GALNT2: variants seen among roughly 807,000 people sequenced by gnomAD.
The protein encoded by GALNT2 is UDP-GalNAc:polypeptide N-acetylgalactosaminyltransferase 2.
In GALNT2, 31 loss-of-function variants were observed where a neutral mutation model predicts 81.4. That is an observed-to-expected ratio of 0.38 (90% CI 0.29 to 0.51). GALNT2 has a LOEUF of 0.51. Among genes scored for constraint, GALNT2 ranks in the 20% least tolerant of loss-of-function variants. The pLI, the probability that GALNT2 is intolerant of heterozygous loss-of-function variation, is 0.87. For missense variants in GALNT2, 629 were observed against 765.7 expected (o/e 0.82, Z 2.11); for synonymous variants, 303 against 287.4 (o/e 1.05, Z -0.55).
intron 2 of GALNT2, among the ~76,000 whole-genome samples, chr1:230,186,611 TAGA>T (rs1328457034): frequency 6.6e-6 from 1 of 152,202 alleles, no homozygotes; most frequent in Non-Finnish European, 1.5e-5. Flanking sequence ...TTCAGGCAAA[TAGA>T]GAGAGGGAGG....
At chr1:230,237,216 G>A (rs958008796) in intron 6 of GALNT2, among the ~76,000 whole-genome samples, 6 of 152,336 alleles carry the variant, frequency 3.9e-5, no homozygotes, top group Middle Eastern at 6.8e-3. Context: ...AGTCTTATCT[G>A]TGCTGGAGCT....
At chr1:230,096,863 C>A (rs1049725703) in intron 1 of GALNT2, among the ~76,000 whole-genome samples, 1 of 152,220 alleles carries the variant, frequency 6.6e-6, no homozygotes, top group Non-Finnish European at 1.5e-5. Flanking sequence ...TCAGTAAAGA[C>A]TTCCCTTCAG....
chr1:230,183,099 T>G (rs1335677178), intron 2 of GALNT2, among the ~76,000 whole-genome samples: 1 of 152,226 alleles, frequency 6.6e-6, no homozygotes, highest in African/African-American at 2.4e-5. Flanking sequence ...AGTGTTAGCA[T>G]GATAGATCTA....
intron 2 of GALNT2, among the ~76,000 whole-genome samples, chr1:230,199,108 A>AT (rs1333273206): frequency 6.6e-6 from 1 of 152,166 alleles, no homozygotes; most frequent in Non-Finnish European, 1.5e-5. Context: ...TTCCAGAACT[A>AT]TTTTTAAAGA....
chr1:230,240,047 A>G (rs1195029269), intron 6 of GALNT2, among the ~76,000 whole-genome samples: 1 of 152,248 alleles, frequency 6.6e-6, no homozygotes, highest in African/African-American at 2.4e-5. Flanking sequence ...TCAAATAGTC[A>G]GTATCTATTA....
chr1:230,244,166 G>A (rs1665294041), intron 7 of GALNT2, among the ~76,000 whole-genome samples: 3 of 151,968 alleles, frequency 2.0e-5, no homozygotes, highest in Admixed American at 2.0e-4. Flanking sequence ...AGCATAGCAA[G>A]GATAGCTGAT....
intron 1 of GALNT2, among the ~76,000 whole-genome samples, chr1:230,173,437 T>G (rs930242145): frequency 2.6e-5 from 4 of 152,160 alleles, no homozygotes; most frequent in African/African-American, 4.8e-5. Flanking sequence ...CATCTGTCTG[T>G]GGGGTAATCA....
intron 1 of GALNT2, among the ~76,000 whole-genome samples, chr1:230,137,680 G>C (rs1478287656): frequency 6.6e-6 from 1 of 152,210 alleles, no homozygotes; most frequent in Non-Finnish European, 1.5e-5. Context: ...TCACAGCTGT[G>C]GATGTTTGCC....
intron 1 of GALNT2, among the ~76,000 whole-genome samples, chr1:230,139,949 C>A (rs1185323461): frequency 1.3e-5 from 2 of 152,170 alleles, no homozygotes; most frequent in East Asian, 3.9e-4. Context: ...CACAGAATTG[C>A]GTAGCCCTGG....
intron 3 of GALNT2, among the ~76,000 whole-genome samples, chr1:230,229,196 C>T (rs896708336): frequency 3.3e-5 from 5 of 152,166 alleles, no homozygotes; most frequent in Non-Finnish European, 7.3e-5. Context: ...TGCAATGCTT[C>T]TGGCTGACAA....
intron 1 of GALNT2, among the ~76,000 whole-genome samples, chr1:230,092,185 T>TTTTTG (rs1553311886): frequency 7.0e-5 from 8 of 114,272 alleles, no homozygotes; most frequent in South Asian, 3.0e-4. Flanking sequence ...AGTTTTTTTT[T>TTTTTG]TTTTTTTTTT....
chr1:230,205,197 TTC>T (rs1405062495), intron 3 of GALNT2, among the ~76,000 whole-genome samples: 34 of 152,146 alleles, frequency 2.2e-4, no homozygotes, highest in Admixed American at 2.0e-3. Context: ...AAGAAGATTT[TTC>T]TCTCTTACTC....
chr1:230,150,080 G>A (rs1662045387), intron 1 of GALNT2, among the ~76,000 whole-genome samples: 1 of 152,234 alleles, frequency 6.6e-6, no homozygotes, highest in African/African-American at 2.4e-5. Context: ...TGGCTGGGTG[G>A]GCTTGTGGGG....
chr1:230,266,309 AAC>A (rs1432445708), intron 14 of GALNT2, among the ~76,000 whole-genome samples: 2 of 152,208 alleles, frequency 1.3e-5, no homozygotes, highest in Non-Finnish European at 2.9e-5. Context: ...GGATTCTAAA[AAC>A]AGTTTTCCCA....
upstream of GALNT2, among the ~76,000 whole-genome samples, chr1:230,066,187 C>T (rs1002967404): frequency 1.3e-5 from 2 of 152,160 alleles, no homozygotes; most frequent in African/African-American, 2.4e-5. Context: ...ATCCTCTGAC[C>T]GAGAAGCTCC....
intron 1 of GALNT2, among the ~76,000 whole-genome samples, chr1:230,096,299 C>T (rs1362278329): frequency 6.6e-6 from 1 of 152,230 alleles, no homozygotes; most frequent in Non-Finnish European, 1.5e-5. Flanking sequence ...GTGGTAATTA[C>T]AACTAAAGCA....
intron 1 of GALNT2, 111 bp from the exon 2 acceptor site, chr1:230,178,107 G>T (rs1295205610): frequency 2.7e-6 from 2 of 741,330 alleles, no homozygotes; most frequent in Non-Finnish European, 4.4e-6. Flanking sequence ...GCTCATCAGT[G>T]CATCCCCAGG....
intron 8 of GALNT2, among the ~76,000 whole-genome samples, chr1:230,248,460 A>G (rs1401415257): frequency 1.3e-5 from 2 of 152,184 alleles, no homozygotes; most frequent in Non-Finnish European, 2.9e-5. Flanking sequence ...TCCAAGAGGC[A>G]CTATGTGTGT....
At chr1:230,239,802 A>G (rs1016012763) in intron 6 of GALNT2, among the ~76,000 whole-genome samples, 2 of 152,132 alleles carry the variant, frequency 1.3e-5, no homozygotes, top group African/African-American at 4.8e-5. Flanking sequence ...TTCCATTTGA[A>G]TTATTCTTGT....
Sources: gnomAD v4.1 joint callset for allele counts (sites outside exome capture counted in the v4.1 genomes callset) on GRCh38, gnomAD v4.1.1 for gene constraint, MANE v1.5 for transcripts, NCBI Gene and HGNC (gene_info 2026-07-23, HGNC 2026-07-21) for gene names.